DAAM2: variants seen among roughly 807,000 people sequenced by gnomAD.
The protein encoded by DAAM2 is dishevelled associated activator of morphogenesis 2, also known as disheveled-associated activator of morphogenesis 2.
In DAAM2, 39 loss-of-function variants were observed where a neutral mutation model predicts 120.7. The ratio of observed to expected loss-of-function variants is 0.32; its 90% CI spans 0.25 to 0.42. DAAM2 has a LOEUF of 0.42. Among genes scored for constraint, DAAM2 ranks in the 10% least tolerant of loss-of-function variants. DAAM2 has a pLI of 1.00. For synonymous variants in DAAM2, 488 were observed against 524.9 expected, an observed-to-expected ratio of 0.93 and a Z score of 0.96; for missense variants, 1,283 against 1,401.7, an observed-to-expected ratio of 0.92 and a Z score of 1.35.
Position 39,878,605 on chromosome 6 carries a change from C to A in DAAM2, c.1545+17C>A. On this transcript the variant is annotated intron_variant, in intron 13 of 24. Transcript: ENST00000274867. The surrounding 1 kb of genome is among the most constrained non-coding windows in gnomAD (Gnocchi z 5.0). ...GAACTCTCAGTATGCAAGCATCTCC[C>A]CCTTTACATAGTTGAGCCAAGACCC... is the stretch of plus-strand genomic sequence containing the variant. 1 of 1,591,066 alleles carries A rather than the reference C, an allele frequency of 6.3e-7. No individual in the cohort carries two copies. Among genetic ancestry groups the A allele is most frequent in the South Asian group, 1.2e-5 (1 of 86,850 alleles).
At chr6:39,863,473 G>T (rs1764297962) in intron 3 of DAAM2, among the ~76,000 whole-genome samples, 1 of 152,140 alleles carries the variant, frequency 6.6e-6, no homozygotes, top group Non-Finnish European at 1.5e-5. Flanking sequence ...GCTGAGAGCT[G>T]CAGGGCCCGC....
chr6:39,805,350 A>G (rs1761978270), intron 1 of DAAM2, among the ~76,000 whole-genome samples: 2 of 152,192 alleles, frequency 1.3e-5, no homozygotes, highest in African/African-American at 4.8e-5. Flanking sequence ...AAATGAGGAT[A>G]AAATTAATAT....
At chr6:39,826,215 C>T (rs1254985655) in intron 1 of DAAM2, among the ~76,000 whole-genome samples, 1 of 152,128 alleles carries the variant, frequency 6.6e-6, no homozygotes, top group Non-Finnish European at 1.5e-5. Flanking sequence ...GTGCGGCCTG[C>T]TCCTGGTCTC....
chr6:39,860,727 T>C (rs1257551028), intron 2 of DAAM2, among the ~76,000 whole-genome samples: 1 of 152,126 alleles, frequency 6.6e-6, no homozygotes, highest in Non-Finnish European at 1.5e-5. Context: ...AGAAGTCACA[T>C]AGGGTTGGTT....
At chr6:39,835,335 A>G (rs1220485839) in intron 1 of DAAM2, among the ~76,000 whole-genome samples, 2 of 152,192 alleles carry the variant, frequency 1.3e-5, no homozygotes, top group Non-Finnish European at 2.9e-5. Context: ...GTTTTATTTT[A>G]TGTATTTTCT....
At position 39,801,813 on chromosome 6, in the gene DAAM2, A is replaced by G. The variant is rs371706471; in HGVS notation, c.-57+9348A>G. On this transcript the variant is annotated intron_variant, in intron 1 of 24. Coordinates refer to ENST00000274867, the MANE Select transcript of DAAM2 (RefSeq NM_001201427.2). ...TGTCTGACCACATTCCCGGGGGGTC[A>G]GTGTTAACACTCCCTTCCTTGTTTC... Among the ~76,000 whole-genome samples the G allele has an allele frequency of 2.0e-5, 3 of 152,316 alleles. No homozygotes were observed. The East Asian group carries it at 5.8e-4, about 29-fold the overall frequency.
At chr6:39,798,824 C>G (rs1305751646) in intron 1 of DAAM2, among the ~76,000 whole-genome samples, 2 of 151,986 alleles carry the variant, frequency 1.3e-5, no homozygotes, top group Non-Finnish European at 2.9e-5. Context: ...CATTCCAACC[C>G]CCTTTTCCTC....
intron 1 of DAAM2, among the ~76,000 whole-genome samples, chr6:39,843,763 T>C (rs1218431917): frequency 4.6e-5 from 7 of 152,112 alleles, no homozygotes; most frequent in Admixed American, 4.6e-4. Context: ...TGGGGCCCAA[T>C]TGCTGCCTGT....
chr6:39,887,363 TC>T, intron 15 of DAAM2, 122 bp from the exon 16 acceptor site: 1 of 650,416 alleles, frequency 1.5e-6, no homozygotes, highest in Non-Finnish European at 2.7e-6. Context: ...CCTGTCTTTT[TC>T]TTCCCCCTTC....
chr6:39,899,015 A>T, intron 22 of DAAM2, 78 bp downstream of exon 22: 1 of 1,095,438 alleles, frequency 9.1e-7, no homozygotes, highest in Non-Finnish European at 1.3e-6. Flanking sequence ...CTAAGCTCCT[A>T]CACAGGGGCA....
intron 1 of DAAM2, among the ~76,000 whole-genome samples, chr6:39,842,463 C>T (rs534116976): frequency 6.6e-6 from 1 of 152,150 alleles, no homozygotes; most frequent in South Asian, 2.1e-4. Context: ...GAAATCCCGT[C>T]TCTACTAAAA....
intron 11 of DAAM2, 60 bp downstream of exon 11, chr6:39,875,528 T>C: frequency 6.4e-7 from 1 of 1,563,386 alleles, no homozygotes; most frequent in Non-Finnish European, 8.7e-7. Flanking sequence ...TCTCCCACTC[T>C]GGTCTCACCA....
At chr6:39,797,144 G>A (rs1020787473) in intron 1 of DAAM2, among the ~76,000 whole-genome samples, 94 of 152,160 alleles carry the variant, frequency 6.2e-4, no homozygotes, top group African/African-American at 2.1e-3. Flanking sequence ...ACCCTCTATT[G>A]GAATAAAGGA....
At position 39,879,311 on chromosome 6, in the gene DAAM2, T is replaced by G. The variant is rs1439192716; in HGVS notation, c.1679T>G (p.Leu560Arg). 1.1e-5 allele frequency: 7 copies of G among 639,816 alleles called. No individual in the cohort carries two copies. The highest frequency in any genetic ancestry group is 5.2e-5 in the Admixed American group (1 of 19,338). The allele number at this position is 639,816 out of a possible 1,614,324, so 39.6% of individuals were successfully genotyped here. A position where few individuals can be genotyped will look rare whatever the true frequency, so the allele number is the denominator to read the frequency against. ...ACCPPPPPPP[L>R]PPGGPPTPPG... ...TGTCCCCCTCCCCCACCACCACCCC[T>G]TCCTCCCGGGGGACCCCCGACTCCC... is the stretch of plus-strand genomic sequence containing the variant. Residue 560 changes from leucine to arginine, a missense_variant, in exon 14 of 25, where the codon CTT (leucine) becomes CGT (arginine). Physicochemically the swap from Leu to Arg is moderately radical, Grantham distance 102 (BLOSUM62 -2). Transcript: ENST00000274867.
Position 39,856,353 on chromosome 6 carries a change from C to T in DAAM2, c.51C>T (p.Phe17=), listed in dbSNP as rs376650953. ...SHHGLGFLCC[F]GGSDIPEINL... The stretch of plus-strand genomic sequence containing the variant: ...ATGGCCTGGGCTTCCTGTGCTGCTT[C>T]GGGGGCAGTGACATCCCCGAAATCA... The change falls in exon 2 of 25, where the codon TTC becomes TTT. Residue 17 remains phenylalanine, a synonymous_variant. Coordinates refer to ENST00000274867, the MANE Select transcript of DAAM2 (RefSeq NM_001201427.2). 1,130 of 1,553,546 alleles carry T rather than the reference C, an allele frequency of 7.3e-4. 10 individuals carry two copies. In the African/African-American group the frequency reaches 0.014, roughly 19 times the overall value.
intron 1 of DAAM2, among the ~76,000 whole-genome samples, chr6:39,801,262 C>T (rs1332607141): frequency 6.6e-6 from 1 of 152,104 alleles, no homozygotes; most frequent in Non-Finnish European, 1.5e-5. Context: ...TTTTAGGCAA[C>T]CCTCAACTGA....
intron 2 of DAAM2, among the ~76,000 whole-genome samples, chr6:39,860,360 C>T (rs147636538): frequency 6.6e-6 from 1 of 152,320 alleles, no homozygotes; most frequent in Non-Finnish European, 1.5e-5. Flanking sequence ...CTACTCTGAG[C>T]AGCCCCTTGT....
At chr6:39,792,683 TTG>T (rs1761582971) in intron 1 of DAAM2, among the ~76,000 whole-genome samples, 1 of 151,886 alleles carries the variant, frequency 6.6e-6, no homozygotes, top group Admixed American at 6.6e-5. Context: ...TGTGTGTGAG[TTG>T]TGTGTGTGTA....
intron 19 of DAAM2, among the ~76,000 whole-genome samples, chr6:39,895,347 T>C (rs1357978469): frequency 1.3e-5 from 2 of 152,034 alleles, no homozygotes; most frequent in African/African-American, 4.8e-5. Context: ...GCAATTCTCC[T>C]GTCTCAGCTT....
Sources: gnomAD v4.1 joint callset for allele counts (sites outside exome capture counted in the v4.1 genomes callset) on GRCh38, gnomAD v4.1.1 for gene constraint, Gnocchi (gnomAD v3.1) non-coding constraint, MANE v1.5 for transcripts, NCBI Gene and HGNC (gene_info 2026-07-23, HGNC 2026-07-21) for gene names.